NCK2: variants seen among roughly 807,000 people sequenced by gnomAD.
The protein encoded by NCK2 is cytoplasmic protein NCK2.
NCK2 carries 16 observed loss-of-function variants against 33.9 expected under a neutral mutation model. The observed-to-expected ratio is 0.47, with a 90% CI of 0.32 to 0.72. The LOEUF (loss-of-function observed/expected upper bound fraction) is 0.72. Among genes scored for constraint, NCK2 ranks in the 30% least tolerant of loss-of-function variants. The pLI is 0.03. For synonymous variants in NCK2, 273 were observed against 239.9 expected, an observed-to-expected ratio of 1.14 and a Z score of -1.27; for missense variants, 418 against 537.3, an observed-to-expected ratio of 0.78 and a Z score of 2.19.
intron 3 of NCK2, among the ~76,000 whole-genome samples, chr2:105,877,698 A>G (rs183939125): frequency 5.9e-5 from 9 of 152,282 alleles, no homozygotes; most frequent in East Asian, 5.8e-4. Flanking sequence ...TTCATTTCCT[A>G]TAGAAATCAT....
chr2:105,853,026 AT>A (rs1200520484), intron 2 of NCK2, among the ~76,000 whole-genome samples: 5 of 152,182 alleles, frequency 3.3e-5, no homozygotes, highest in Non-Finnish European at 7.3e-5. Context: ...AGTAGAAAAT[AT>A]GTTATTTAAA....
chr2:105,881,168 A>C lies in NCK2; in HGVS notation c.227-160A>C, dbSNP rs77519885. On this transcript the variant is annotated intron_variant, in intron 3 of 4. Coordinates refer to ENST00000233154, the MANE Select transcript of NCK2 (RefSeq NM_003581.5). ...GCAACTACAGGAGGCAGCTGCCAGC[A>C]ACCGTATTTTTCTCATGGTAATTAC... 3.3e-4 allele frequency among the ~76,000 whole-genome samples: 50 copies of C among 152,284 alleles called. 1 individual carries two copies. In the East Asian group the frequency reaches 8.1e-3, roughly 25 times the overall value.
At chr2:105,877,821 G>A (rs973403159) in intron 3 of NCK2, among the ~76,000 whole-genome samples, 2 of 152,236 alleles carry the variant, frequency 1.3e-5, no homozygotes, top group African/African-American at 4.8e-5. Context: ...TACAGTCTGT[G>A]CCACATCACT....
intron 1 of NCK2, among the ~76,000 whole-genome samples, chr2:105,773,812 T>C (rs1028405431): frequency 2.6e-5 from 4 of 152,176 alleles, no homozygotes; most frequent in Non-Finnish European, 5.9e-5. Context: ...GCAGGCTGCC[T>C]GGAGAATCGG....
intron 2 of NCK2, among the ~76,000 whole-genome samples, chr2:105,829,738 T>C (rs997504366): frequency 1.3e-5 from 2 of 152,204 alleles, no homozygotes; most frequent in Non-Finnish European, 2.9e-5. Flanking sequence ...CACTCCATAC[T>C]GACTCCCTCT....
intron 1 of NCK2, among the ~76,000 whole-genome samples, chr2:105,809,228 TC>T (rs1675202171): frequency 1.3e-5 from 2 of 152,204 alleles, no homozygotes; most frequent in Admixed American, 1.3e-4. Flanking sequence ...TTGCATTTGC[TC>T]ACACAAGGTT....
At chr2:105,886,687 A>G (rs1265117333) in intron 4 of NCK2, among the ~76,000 whole-genome samples, 2 of 152,216 alleles carry the variant, frequency 1.3e-5, no homozygotes, top group Non-Finnish European at 2.9e-5. Flanking sequence ...GTATGACACT[A>G]TGGAAAGACA....
rs532429381 is a variant in NCK2, at chr2:105,802,209, G to C, written c.-200-14221G>C. Among the ~76,000 whole-genome samples the C allele has an allele frequency of 8.0e-4, 122 of 152,292 alleles. 2 individuals carry two copies. The South Asian group carries it at 0.023, about 29-fold the overall frequency. On this transcript the variant is annotated intron_variant, in intron 1 of 4. Coordinates refer to ENST00000233154, the MANE Select transcript of NCK2 (RefSeq NM_003581.5). ...TGGACGGAAACTGATGTGATGAAGT[G>C]GAACGGGAAGATGTGCACACACCCT... is the stretch of plus-strand genomic sequence containing the variant.
At chr2:105,748,079 C>T (rs942970223) in intron 1 of NCK2, among the ~76,000 whole-genome samples, 3 of 152,226 alleles carry the variant, frequency 2.0e-5, no homozygotes, top group Non-Finnish European at 4.4e-5. Flanking sequence ...CTGGCACATA[C>T]ATTCCTACCT....
chr2:105,762,015 G>C (rs958369945), intron 1 of NCK2, among the ~76,000 whole-genome samples: 1 of 152,148 alleles, frequency 6.6e-6, no homozygotes, highest in Non-Finnish European at 1.5e-5. Flanking sequence ...CTTTTTCTAA[G>C]TTTTTGCGTT....
intron 1 of NCK2, among the ~76,000 whole-genome samples, chr2:105,791,281 A>G (rs1353729733): frequency 6.6e-6 from 1 of 152,232 alleles, no homozygotes; most frequent in African/African-American, 2.4e-5. Context: ...GATGTAAATT[A>G]CAGCCACACT....
At chr2:105,843,781 G>A (rs1040702457) in intron 2 of NCK2, among the ~76,000 whole-genome samples, 1 of 152,214 alleles carries the variant, frequency 6.6e-6, no homozygotes, top group Non-Finnish European at 1.5e-5. Context: ...AATCTCCTGT[G>A]CAAAAGGTTT....
intron 3 of NCK2, among the ~76,000 whole-genome samples, chr2:105,858,047 G>GTTT (rs373529013): frequency 7.8e-6 from 1 of 128,654 alleles, no homozygotes; most frequent in Non-Finnish European, 1.7e-5. Flanking sequence ...GTTTTTTGGG[G>GTTT]TTTTTTTTTT....
At chr2:105,877,874 G>C (rs1278704607) in intron 3 of NCK2, among the ~76,000 whole-genome samples, 1 of 152,190 alleles carries the variant, frequency 6.6e-6, no homozygotes, top group African/African-American at 2.4e-5. Context: ...TGTAGCCTCA[G>C]TTTCCTTATT....
intron 1 of NCK2, among the ~76,000 whole-genome samples, chr2:105,746,051 T>C (rs1239922390): frequency 6.6e-6 from 1 of 152,242 alleles, no homozygotes; most frequent in Non-Finnish European, 1.5e-5. Context: ...CCCAGGCACC[T>C]GACTTAAACT....
chr2:105,773,690 C>T (rs1690209262), intron 1 of NCK2, among the ~76,000 whole-genome samples: 1 of 152,062 alleles, frequency 6.6e-6, no homozygotes, highest in African/African-American at 2.4e-5. Flanking sequence ...CAGCAGTCAC[C>T]CACTCAACAA....
intron 2 of NCK2, among the ~76,000 whole-genome samples, chr2:105,827,955 G>A (rs1395969070): frequency 1.3e-5 from 2 of 152,162 alleles, no homozygotes; most frequent in Non-Finnish European, 2.9e-5. Flanking sequence ...TTATACTAAT[G>A]TCAGTTTCCT....
Position 105,811,594 on chromosome 2 carries a change from A to G in NCK2, c.-200-4836A>G, listed in dbSNP as rs150980328. 2.9e-4 allele frequency among the ~76,000 whole-genome samples: 44 copies of G among 152,304 alleles called. No homozygotes were observed. In the East Asian group the frequency reaches 8.3e-3, roughly 29 times the overall value. The stretch of plus-strand genomic sequence containing the variant: ...TGAGTCCCTGCAGCTTGTCTCGTGG[A>G]ACAGGTGTGATTGAGGCCCTGAGTT... On this transcript the variant is annotated intron_variant, in intron 1 of 4. Coordinates refer to ENST00000233154, the MANE Select transcript of NCK2 (RefSeq NM_003581.5).
intron 3 of NCK2, among the ~76,000 whole-genome samples, chr2:105,872,943 G>A (rs1036723966): frequency 6.6e-5 from 10 of 152,204 alleles, no homozygotes; most frequent in African/African-American, 2.4e-4. Flanking sequence ...GTGGACATTA[G>A]CAGCGCCTGT....
Sources: gnomAD v4.1 joint callset for allele counts (sites outside exome capture counted in the v4.1 genomes callset) on GRCh38, gnomAD v4.1.1 for gene constraint, MANE v1.5 for transcripts, NCBI Gene and HGNC (gene_info 2026-07-23, HGNC 2026-07-21) for gene names.